Variants in ZNF578 observed in about 807,000 individuals in gnomAD.
The protein encoded by ZNF578 is zinc finger protein 578.
ZNF578 carries 8 observed loss-of-function variants against 8.3 expected under a neutral mutation model. The ratio of observed to expected loss-of-function variants is 0.96; its 90% CI spans 0.56 to 1.74. The LOEUF (loss-of-function observed/expected upper bound fraction) is 1.74. Ranked by LOEUF, ZNF578 falls within the 40% of genes most tolerant of loss-of-function variation. The pLI, the probability that ZNF578 is intolerant of heterozygous loss-of-function variation, is 0.00. For synonymous variants in ZNF578, 206 were observed against 232.2 expected (o/e 0.89, Z 1.03); for missense variants, 726 against 707.5 (o/e 1.03, Z -0.30).
In ZNF578 at chr19:52,513,729, CAA is replaced by C. The variant is rs66998990; in HGVS notation, c.*1591_*1592del. On this transcript the variant is annotated 3_prime_UTR_variant, in exon 6 of 6. Coordinates refer to ENST00000421239, the MANE Select transcript of ZNF578 (RefSeq NM_001099694.2). ...TGGGCGACAGAGTGAGAGTCTGTCT[CAA>C]AAAAAAAAAAAAAAAGATATCAAAC... Among the ~76,000 whole-genome samples, 21 of 123,318 alleles carry C rather than the reference CAA, an allele frequency of 1.7e-4. No homozygotes were observed. The highest frequency in any genetic ancestry group is 1.7e-4 in the Admixed American group (2 of 11,606). The allele number at this position is 123,318 out of a possible 152,430, so 80.9% of individuals were successfully genotyped here.
intron 2 of ZNF578, among the ~76,000 whole-genome samples, chr19:52,472,288 A>G (rs1279669798): frequency 6.6e-6 from 1 of 152,240 alleles, no homozygotes; most frequent in East Asian, 1.9e-4. Flanking sequence ...GTTGGTAGAC[A>G]TAACATGATT....
At chr19:52,479,169 A>T (rs987149745) in intron 2 of ZNF578, among the ~76,000 whole-genome samples, 27 of 150,156 alleles carry the variant, frequency 1.8e-4, no homozygotes, top group Non-Finnish European at 1.0e-4. Context: ...TTTAAGTAAA[A>T]CTTCAAGCAA....
intron 3 of ZNF578, among the ~76,000 whole-genome samples, chr19:52,494,501 G>GA (rs1192936895): frequency 6.6e-6 from 1 of 151,986 alleles, no homozygotes; most frequent in Admixed American, 6.6e-5. Flanking sequence ...TGTCTTAAAA[G>GA]AAAAAAAGGG....
chr19:52,472,162 G>A (rs771788889), intron 2 of ZNF578, among the ~76,000 whole-genome samples: 2 of 152,162 alleles, frequency 1.3e-5, no homozygotes, highest in Admixed American at 6.5e-5. Flanking sequence ...AGGCTAAGGC[G>A]GGTAGATCAC....
intron 2 of ZNF578, among the ~76,000 whole-genome samples, chr19:52,488,139 C>A (rs983699282): frequency 7.2e-5 from 11 of 151,838 alleles, no homozygotes; most frequent in African/African-American, 1.9e-4. Flanking sequence ...TTAGTAGAGA[C>A]GAGGTTTCAT....
At chr19:52,481,844 C>T (rs2059327581) in intron 2 of ZNF578, among the ~76,000 whole-genome samples, 4 of 152,088 alleles carry the variant, frequency 2.6e-5, no homozygotes, top group African/African-American at 7.2e-5. Context: ...AATCCTCCTA[C>T]TTCAGCCTCC....
intron 2 of ZNF578, among the ~76,000 whole-genome samples, chr19:52,469,502 A>C (rs1056357053): frequency 3.9e-5 from 6 of 152,104 alleles, no homozygotes; most frequent in African/African-American, 1.4e-4. Context: ...TAGTTGGTTT[A>C]GGGGCTTCTG....
chr19:52,492,199 G>C (rs1232816928), intron 3 of ZNF578, among the ~76,000 whole-genome samples: 2 of 148,632 alleles, frequency 1.3e-5, no homozygotes, highest in Non-Finnish European at 3.0e-5. Context: ...AAGGGAGGGA[G>C]AGACGAGGAA....
In ZNF578 at chr19:52,511,964, GTCA is replaced by G. The variant is rs2059450024; in HGVS notation, c.1588_1590del (p.His530del). ...TTTAATGTACAGTCACACCTTTCAC[GTCA>G]TCATAGACTTCATACTGGAGAGAAA... On this transcript the variant is annotated inframe_deletion, in exon 6 of 6. Coordinates refer to ENST00000421239, the MANE Select transcript of ZNF578 (RefSeq NM_001099694.2). 1.2e-6 allele frequency: 2 copies of G among 1,613,884 alleles called. No homozygotes were observed.
chr19:52,493,932 G>A (rs1354102492), intron 3 of ZNF578, among the ~76,000 whole-genome samples: 1 of 150,406 alleles, frequency 6.6e-6, no homozygotes, highest in East Asian at 2.0e-4. Flanking sequence ...GGAGGTTGTG[G>A]TGAGCCGAGA....
intron 2 of ZNF578, among the ~76,000 whole-genome samples, chr19:52,490,583 G>A (rs1442105271): frequency 6.6e-6 from 1 of 151,874 alleles, no homozygotes; most frequent in African/African-American, 2.4e-5. Flanking sequence ...GTAAGTCCCT[G>A]TTCTGCATGG....
At chr19:52,481,553 A>G (rs1168327393) in intron 2 of ZNF578, among the ~76,000 whole-genome samples, 1 of 152,192 alleles carries the variant, frequency 6.6e-6, no homozygotes, top group Non-Finnish European at 1.5e-5. Flanking sequence ...TATTTATAAG[A>G]CATGTACAAT....
At chr19:52,475,886 G>A (rs975740977) in intron 2 of ZNF578, among the ~76,000 whole-genome samples, 3 of 151,992 alleles carry the variant, frequency 2.0e-5, no homozygotes, top group African/African-American at 7.3e-5. Context: ...CTGTAGGAGC[G>A]ACCAAAAGAA....
At chr19:52,454,413 CCACAAG>C in intron 1 of ZNF578, 1 of 152,184 alleles carries the variant, frequency 6.6e-6, no homozygotes, top group South Asian at 2.1e-4. Flanking sequence ...AAGGCTCAGT[CCACAAG>C]ACTTCTCCAC....
In ZNF578 at chr19:52,497,587, A is replaced by G. The variant is rs117945370; in HGVS notation, c.-19-4240A>G. On this transcript the variant is annotated intron_variant, in intron 3 of 5. Coordinates refer to ENST00000421239, the MANE Select transcript of ZNF578 (RefSeq NM_001099694.2). ...TTTGAGCCAAGATTTCATTACATCT[A>G]TATTTTTTGAACATTTTAAAATTGT... Among the ~76,000 whole-genome samples, 129 of 152,264 alleles carry G rather than the reference A, an allele frequency of 8.5e-4. 3 individuals are homozygous for G. The East Asian group carries it at 0.02, about 24-fold the overall frequency.
At chr19:52,462,466 T>G (rs868406943) in intron 2 of ZNF578, among the ~76,000 whole-genome samples, 3 of 152,132 alleles carry the variant, frequency 2.0e-5, no homozygotes, top group Admixed American at 2.0e-4. Context: ...TCCAACAAAG[T>G]GACAGACCTA....
At chr19:52,488,059 A>G (rs965168015) in intron 2 of ZNF578, among the ~76,000 whole-genome samples, 13 of 151,824 alleles carry the variant, frequency 8.6e-5, no homozygotes, top group Non-Finnish European at 2.9e-5. Flanking sequence ...GCTTCAAGCA[A>G]TTCTACTGCC....
chr19:52,488,677 G>C (rs975760473), intron 2 of ZNF578, among the ~76,000 whole-genome samples: 1 of 151,188 alleles, frequency 6.6e-6, no homozygotes, highest in African/African-American at 2.4e-5. Flanking sequence ...CCAGCTACTC[G>C]GGAGGCTGAG....
intron 3 of ZNF578, among the ~76,000 whole-genome samples, chr19:52,495,009 TTTC>T (rs1406586298): frequency 2.0e-5 from 3 of 150,306 alleles, no homozygotes; most frequent in Non-Finnish European, 4.5e-5. Flanking sequence ...TTGTTTTTTT[TTTC>T]TTTGTTTGTT....
Sources: gnomAD v4.1 joint callset for allele counts (sites outside exome capture counted in the v4.1 genomes callset) on GRCh38, gnomAD v4.1.1 for gene constraint, MANE v1.5 for transcripts, NCBI Gene and HGNC (gene_info 2026-07-23, HGNC 2026-07-21) for gene names.